ASPH: variants seen among roughly 807,000 people sequenced by gnomAD.
The protein encoded by ASPH is aspartyl/asparaginyl beta-hydroxylase.
A neutral mutation model predicts 118.4 loss-of-function variants in ASPH; 100 were observed. That is an observed-to-expected ratio of 0.84 (90% CI 0.72 to 1.00). The LOEUF (loss-of-function observed/expected upper bound fraction) is 1.00. ASPH is among the 50% of genes least tolerant of loss of function. The pLI is 0.00. For synonymous variants in ASPH, 315 were observed against 325.6 expected (o/e 0.97, Z 0.35); for missense variants, 920 against 919.5 (o/e 1.00, Z -0.01).
chr8:61,562,810 T>C lies in ASPH; in HGVS notation c.1371A>G (p.Lys457=). 1 of 1,613,012 alleles carries C rather than the reference T, an allele frequency of 6.2e-7. No homozygotes were observed. The highest frequency in any genetic ancestry group is 8.5e-7 in the Non-Finnish European group (1 of 1,179,576). ...AGAGGTATCCCACGCCAAGGTCATT[T>C]TTTAAGGAAGTATCATTGGGAAATA... is the stretch of plus-strand genomic sequence containing the variant. The part of the protein sequence containing the change: ...VQLFPNDTSL[K]NDLGVGYLLI... Residue 457 remains lysine, a synonymous_variant, in exon 18 of 25, where the codon AAA becomes AAG. Coordinates refer to ENST00000379454, the MANE Select transcript of ASPH (RefSeq NM_004318.4).
intron 20 of ASPH, among the ~76,000 whole-genome samples, chr8:61,552,284 T>C (rs539496150): frequency 1.3e-5 from 2 of 152,344 alleles, no homozygotes; most frequent in Non-Finnish European, 2.9e-5. Flanking sequence ...TCGTAAATCA[T>C]GGTAGACTGT....
chr8:61,532,646 CATTAT>C (rs1399351211), intron 21 of ASPH, among the ~76,000 whole-genome samples: 1 of 152,130 alleles, frequency 6.6e-6, no homozygotes, highest in Non-Finnish European at 1.5e-5. Flanking sequence ...TAGTCCATTA[CATTAT>C]AACTTTTAGT....
In ASPH at chr8:61,518,081, C is replaced by T. The variant is rs775802086; in HGVS notation, c.1943G>A (p.Cys648Tyr). The part of the protein sequence containing the change: ...ENACKGAPKT[C>Y]TLLEKFPETT... ...CTCGGGGAACTTTTCTAGTAAGGTA[C>T]AGGTTTTAGGAGCTCCTTTGCAGGC... The change falls in exon 23 of 25, where the codon TGT becomes TAT. Residue 648 changes from cysteine (C) to tyrosine (Y), a missense_variant. Coordinates refer to ENST00000379454, the MANE Select transcript of ASPH (RefSeq NM_004318.4). 3 of 1,613,942 alleles carry T rather than the reference C, an allele frequency of 1.9e-6. No homozygotes were observed. The highest frequency in any genetic ancestry group is 2.5e-6 in the Non-Finnish European group (3 of 1,179,912).
rs546221534 is a variant in ASPH, at chr8:61,642,705, C to A, written c.790+183G>T. Among the ~76,000 whole-genome samples the A allele has an allele frequency of 2.6e-5, 4 of 151,866 alleles. No homozygotes were observed. In the South Asian group the frequency reaches 8.3e-4, roughly 32 times the overall value. On this transcript the variant is annotated intron_variant, in intron 10 of 24. Transcript: ENST00000379454. ...TACTAAAAATACAAAATTAGCTAAG[C>A]GTGGTGGCACATGCCTGTAATCCCA...
chr8:61,548,352 A>G (rs1824659521), intron 20 of ASPH, 144 bp from the exon 21 acceptor site: 1 of 983,026 alleles, frequency 1.0e-6, no homozygotes, highest in Non-Finnish European at 1.4e-6. Flanking sequence ...AATCTGTTGA[A>G]ATCTGGTGAA....
Position 61,580,494 on chromosome 8 carries a change from TA to T in ASPH, c.1062+3449del, listed in dbSNP as rs1587592345. On this transcript the variant is annotated intron_variant, in intron 15 of 24. Coordinates refer to ENST00000379454, the MANE Select transcript of ASPH (RefSeq NM_004318.4). ...CTGTGTTACTCTTCGATGGCCTCTG[TA>T]ACAAACTACCACAAACTTGATGGCT... 2.6e-5 allele frequency among the ~76,000 whole-genome samples: 4 copies of T among 152,340 alleles called. No individual in the cohort carries two copies. In the East Asian group the frequency reaches 7.7e-4, roughly 29 times the overall value.
At chr8:61,675,928 T>C in intron 3 of ASPH, 4 of 1,489,116 alleles carry the variant, frequency 2.7e-6, no homozygotes, top group Non-Finnish European at 1.8e-6. Context: ...CTAGTAGCTG[T>C]ACTGGGCAAG....
chr8:61,538,790 TTA>T (rs1820591138), intron 21 of ASPH, among the ~76,000 whole-genome samples: 1 of 152,218 alleles, frequency 6.6e-6, no homozygotes, highest in Admixed American at 6.5e-5. Flanking sequence ...AAAGGCAAAC[TTA>T]TATATGATGC....
intron 3 of ASPH, chr8:61,660,920 T>C (rs897315099): frequency 2.0e-5 from 3 of 152,198 alleles, no homozygotes; most frequent in Admixed American, 2.0e-4. Context: ...TGGAAAAATG[T>C]GTTCTGAATA....
At chr8:61,628,872 G>C (rs1854237311) in intron 13 of ASPH, among the ~76,000 whole-genome samples, 1 of 152,140 alleles carries the variant, frequency 6.6e-6, no homozygotes, top group African/African-American at 2.4e-5. Context: ...CACAGCAGCT[G>C]CTCAATATAT....
At chr8:61,547,041 G>A (rs538995166) in intron 21 of ASPH, among the ~76,000 whole-genome samples, 2 of 152,272 alleles carry the variant, frequency 1.3e-5, no homozygotes, top group East Asian at 3.9e-4. Context: ...AAACCCTGAA[G>A]CCATCTAACC....
At chr8:61,565,161 A>G (rs546676808) in intron 17 of ASPH, among the ~76,000 whole-genome samples, 49 of 152,318 alleles carry the variant, frequency 3.2e-4, no homozygotes, top group African/African-American at 1.1e-3. Context: ...GATAGTCTTT[A>G]GATTGTAGCC....
At chr8:61,620,536 C>T (rs887191044) in intron 13 of ASPH, among the ~76,000 whole-genome samples, 49 of 151,700 alleles carry the variant, frequency 3.2e-4, no homozygotes, top group Middle Eastern at 3.4e-3. Flanking sequence ...CTAGAATTTC[C>T]GATCTCTTTA....
chr8:61,552,256 C>G (rs1826281956), intron 20 of ASPH, among the ~76,000 whole-genome samples: 1 of 152,210 alleles, frequency 6.6e-6, no homozygotes, highest in African/African-American at 2.4e-5. Context: ...GCTTTGCCAT[C>G]CAGCAGGGCT....
chr8:61,592,220 T>C (rs1340995285), intron 14 of ASPH, among the ~76,000 whole-genome samples: 1 of 152,252 alleles, frequency 6.6e-6, no homozygotes, highest in Non-Finnish European at 1.5e-5. Flanking sequence ...AAACCTCATA[T>C]AAATGTTAAT....
intron 18 of ASPH, among the ~76,000 whole-genome samples, chr8:61,557,329 C>G (rs1311611879): frequency 2.6e-5 from 4 of 152,092 alleles, no homozygotes; most frequent in East Asian, 3.9e-4. Context: ...CCTCTCCTGC[C>G]CCTGCCCCTC....
At chr8:61,575,213 A>G (rs908596947) in intron 16 of ASPH, among the ~76,000 whole-genome samples, 9 of 152,144 alleles carry the variant, frequency 5.9e-5, no homozygotes, top group Non-Finnish European at 1.2e-4. Flanking sequence ...ATTCCATTAC[A>G]TTTTCTTATT....
At chr8:61,592,647 G>C (rs1841482213) in intron 14 of ASPH, among the ~76,000 whole-genome samples, 1 of 152,146 alleles carries the variant, frequency 6.6e-6, no homozygotes, top group Non-Finnish European at 1.5e-5. Flanking sequence ...AGATATTAAA[G>C]AAAAAGGTGC....
intron 4 of ASPH, among the ~76,000 whole-genome samples, chr8:61,651,793 G>A (rs755426796): frequency 1.1e-4 from 17 of 152,214 alleles, no homozygotes; most frequent in Non-Finnish European, 2.1e-4. Context: ...CAAAAACACT[G>A]TGGTGCTTAT....
Sources: gnomAD v4.1 joint callset for allele counts (sites outside exome capture counted in the v4.1 genomes callset) on GRCh38, gnomAD v4.1.1 for gene constraint, MANE v1.5 for transcripts, NCBI Gene and HGNC (gene_info 2026-07-23, HGNC 2026-07-21) for gene names.